The following ARID4B variants were observed in gnomAD, a reference collection of about 807,000 sequenced individuals.
The protein encoded by ARID4B is AT-rich interactive domain-containing protein 4B.
ARID4B carries 26 observed loss-of-function variants against 147.5 expected under a neutral mutation model. The observed-to-expected ratio is 0.18, with a 90% CI of 0.13 to 0.24. ARID4B has a LOEUF of 0.24. Among genes scored for constraint, ARID4B ranks in the 10% least tolerant of loss-of-function variants. The pLI is 1.00. For missense variants in ARID4B, 1,179 were observed against 1,511.5 expected (o/e 0.78, Z 3.65); for synonymous variants, 512 against 507.9 (o/e 1.01, Z -0.11).
intron 6 of ARID4B, among the ~76,000 whole-genome samples, chr1:235,249,843 G>C (rs1327637231): frequency 4.6e-5 from 7 of 151,874 alleles, no homozygotes; most frequent in Admixed American, 1.3e-4. Context: ...AGGAGGCTGA[G>C]GCAGGAGAAT....
chr1:235,317,078 A>G (rs779091743), intron 2 of ARID4B, among the ~76,000 whole-genome samples: 10 of 152,222 alleles, frequency 6.6e-5, no homozygotes, highest in Non-Finnish European at 8.8e-5. Flanking sequence ...CTGATTAAGC[A>G]TTTCACCTAA....
At chr1:235,222,832 G>A (rs959956797) in intron 13 of ARID4B, among the ~76,000 whole-genome samples, 4 of 151,810 alleles carry the variant, frequency 2.6e-5, no homozygotes, top group Non-Finnish European at 5.9e-5. Flanking sequence ...ACAAGCGTGC[G>A]TCACCACGTC....
intron 17 of ARID4B, among the ~76,000 whole-genome samples, chr1:235,204,473 A>G (rs564104425): frequency 1.6e-4 from 24 of 152,344 alleles, no homozygotes; most frequent in African/African-American, 5.5e-4. Flanking sequence ...CATAAATATT[A>G]TAGCATAGTC....
chr1:235,219,532 A>G (rs563852208), intron 16 of ARID4B, among the ~76,000 whole-genome samples: 2 of 152,328 alleles, frequency 1.3e-5, no homozygotes, highest in Non-Finnish European at 2.9e-5. Context: ...GCAGACCTAA[A>G]AAGTACTTTG....
intron 2 of ARID4B, among the ~76,000 whole-genome samples, chr1:235,299,527 C>T (rs72758043): frequency 0.13 from 19,984 of 152,144 alleles, 1,531 homozygotes; most frequent in African/African-American, 0.2. Flanking sequence ...AGGTTTAATA[C>T]CTGAAGAAAT....
At chr1:235,274,561 C>A (rs971889391) in intron 2 of ARID4B, among the ~76,000 whole-genome samples, 2 of 151,714 alleles carry the variant, frequency 1.3e-5, no homozygotes, top group Non-Finnish European at 2.9e-5. Context: ...AAGTATATAC[C>A]TTTTGAATTT....
At chr1:235,305,039 A>G (rs1444948156) in intron 2 of ARID4B, among the ~76,000 whole-genome samples, 1 of 152,220 alleles carries the variant, frequency 6.6e-6, no homozygotes, top group African/African-American at 2.4e-5. Flanking sequence ...TAAAGCTGAC[A>G]TGGAATCAGA....
rs752729620 is a variant in ARID4B, at chr1:235,234,458, A to G, written c.620T>C (p.Val207Ala). The stretch of plus-strand genomic sequence containing the variant: ...TCGAACAAGAATATTGTCCTTTTTT[A>G]CAGCAATCTCATCACTACAATCAGG... ...VCPDCSDEIA[V>A]KKDNILVRSF... The change falls in exon 9 of 24, where the codon GTA becomes GCA. Residue 207 changes from valine (V) to alanine (A), a missense_variant. Transcript: ENST00000264183. The G allele has an allele frequency of 4.4e-6, 7 of 1,607,652 alleles. No individual in the cohort carries two copies. The highest frequency in any genetic ancestry group is 6.0e-6 in the Non-Finnish European group (7 of 1,175,510).
chr1:235,278,986 A>T (rs772575275), intron 2 of ARID4B, among the ~76,000 whole-genome samples: 21 of 152,024 alleles, frequency 1.4e-4, no homozygotes, highest in Admixed American at 3.9e-4. Flanking sequence ...ATCCTAACTC[A>T]CTGCAGCCTC....
rs139255759 is a variant in ARID4B at position 235,307,247 on chromosome 1, C to T, written c.6+19667G>A. ...TCACTTGAGGCCAGGAGTTCAAGAC[C>T]AACCTGGGAAACACAGTGAGGCCAC... On this transcript the variant is annotated intron_variant, in intron 2 of 23. Transcript: ENST00000264183. 1.6e-3 allele frequency among the ~76,000 whole-genome samples: 240 copies of T among 152,182 alleles called. 4 individuals carry two copies. The East Asian group carries it at 0.033, about 21-fold the overall frequency.
At chr1:235,173,928 G>C in intron 22 of ARID4B, among the ~76,000 whole-genome samples, 1 of 149,402 alleles carries the variant, frequency 6.7e-6, no homozygotes, top group Non-Finnish European at 1.5e-5. Context: ...TCATTATCCA[G>C]CTTCAGTAAT....
intron 20 of ARID4B, chr1:235,181,043 A>C: frequency 2.2e-6 from 2 of 891,550 alleles, no homozygotes; most frequent in South Asian, 5.2e-5. Context: ...TGCATCTAAG[A>C]AAGCATCAAA....
At chr1:235,179,869 G>C (rs546334893) in intron 20 of ARID4B, among the ~76,000 whole-genome samples, 3 of 151,932 alleles carry the variant, frequency 2.0e-5, no homozygotes, top group African/African-American at 7.2e-5. Flanking sequence ...AAGAGATAGA[G>C]ACCATCCTGG....
Position 235,213,953 on chromosome 1 carries a change from C to T in ARID4B, c.1657G>A (p.Glu553Lys). The change falls in exon 17 of 24, where the codon GAG becomes AAG. Residue 553 changes from glutamate to lysine, a missense_variant. This residue lies in a region of ARID4B where 204 missense variants were observed against 210.9 expected (regional missense o/e 0.97). Transcript: ENST00000264183. ...EEEEEEEEEE[E>K]DEDDDDNNEE... ...TTGTTGTCATCATCATCTTCATCCT[C>T]TTCTTCTTCTTCCTCCTCCTCCTCC... 6.3e-7 allele frequency: 1 copy of T among 1,590,052 alleles called. No homozygotes were observed. The highest frequency in any genetic ancestry group is 8.6e-7 in the Non-Finnish European group (1 of 1,159,768).
chr1:235,207,351 T>C (rs1666372538), intron 17 of ARID4B, among the ~76,000 whole-genome samples: 2 of 152,232 alleles, frequency 1.3e-5, no homozygotes, highest in South Asian at 2.1e-4. Context: ...AGAACAGTCA[T>C]TGTGGTTGCT....
chr1:235,243,039 T>A (rs1317509343), intron 7 of ARID4B, among the ~76,000 whole-genome samples: 1 of 152,146 alleles, frequency 6.6e-6, no homozygotes, highest in Non-Finnish European at 1.5e-5. Flanking sequence ...ATTCGCTATC[T>A]CCTCCCCTGA....
intron 18 of ARID4B, among the ~76,000 whole-genome samples, chr1:235,195,277 T>C (rs1179034930): frequency 1.3e-5 from 2 of 152,108 alleles, no homozygotes; most frequent in African/African-American, 4.8e-5. Flanking sequence ...AAGTAAATCC[T>C]CATGGCATTT....
At chr1:235,175,135 A>T in intron 22 of ARID4B, 49 bp downstream of exon 22, 2 of 1,499,436 alleles carry the variant, frequency 1.3e-6, no homozygotes, top group Non-Finnish European at 1.9e-6. Flanking sequence ...AAACAAAAAG[A>T]GTTACTAGGA....
At chr1:235,212,001 T>C (rs1335679022) in intron 17 of ARID4B, among the ~76,000 whole-genome samples, 1 of 152,124 alleles carries the variant, frequency 6.6e-6, no homozygotes. Context: ...CTGACACCCG[T>C]AATCCCAGCA....
Sources: gnomAD v4.1 joint callset for allele counts (sites outside exome capture counted in the v4.1 genomes callset) on GRCh38, gnomAD v4.1.1 for gene constraint, gnomAD v4.1.1 regional missense constraint, MANE v1.5 for transcripts, NCBI Gene and HGNC (gene_info 2026-07-23, HGNC 2026-07-21) for gene names.